Variants in SPATA16 observed in about 807,000 individuals in gnomAD.
The protein encoded by SPATA16 is spermatogenesis associated 16.
In SPATA16, 36 loss-of-function variants were observed where a neutral mutation model predicts 63.3. That is an observed-to-expected ratio of 0.57 (90% confidence interval 0.44 to 0.75). The LOEUF (loss-of-function observed/expected upper bound fraction) is 0.75. SPATA16 is among the 30% of genes least tolerant of loss of function. The pLI is 0.00. For synonymous variants in SPATA16, 203 were observed against 216.7 expected, an observed-to-expected ratio of 0.94 and a Z score of 0.56; for missense variants, 646 against 679.3, an observed-to-expected ratio of 0.95 and a Z score of 0.54.
At chr3:172,959,760 C>A (rs1340557598) in intron 5 of SPATA16, among the ~76,000 whole-genome samples, 1 of 143,546 alleles carries the variant, frequency 7.0e-6, no homozygotes, top group Non-Finnish European at 1.5e-5. Flanking sequence ...TCCTACATTG[C>A]TGTTGTAAAG....
At chr3:172,940,979 T>G (rs894900123) in intron 6 of SPATA16, among the ~76,000 whole-genome samples, 6 of 151,852 alleles carry the variant, frequency 4.0e-5, no homozygotes, top group Admixed American at 3.3e-4. Context: ...AGAGACTCCA[T>G]CTCAAAAGAT....
intron 6 of SPATA16, among the ~76,000 whole-genome samples, chr3:172,926,393 T>C (rs1044178700): frequency 2.6e-5 from 4 of 152,320 alleles, no homozygotes; most frequent in African/African-American, 9.6e-5. Flanking sequence ...GAGTACTTAT[T>C]TTCTATCTGC....
At chr3:172,914,883 A>T (rs1037553756) in intron 9 of SPATA16, among the ~76,000 whole-genome samples, 12 of 134,832 alleles carry the variant, frequency 8.9e-5, no homozygotes, top group Non-Finnish European at 2.0e-4. Flanking sequence ...TATTTCCAGT[A>T]AAAAAAAAAA....
intron 2 of SPATA16, among the ~76,000 whole-genome samples, chr3:173,053,995 A>G (rs1736158375): frequency 7.3e-6 from 1 of 137,078 alleles, no homozygotes; most frequent in Middle Eastern, 3.7e-3. Flanking sequence ...ATATCAACAT[A>G]ATTTTTACAC....
intron 2 of SPATA16, among the ~76,000 whole-genome samples, chr3:173,066,373 A>C (rs11923700): frequency 6.6e-6 from 1 of 152,014 alleles, no homozygotes; most frequent in South Asian, 2.1e-4. Context: ...TGTCTGCAAG[A>C]CTTCAGATGT....
chr3:172,893,971 GT>G (rs565665434), intron 10 of SPATA16, among the ~76,000 whole-genome samples: 175 of 152,138 alleles, frequency 1.2e-3, no homozygotes, highest in Admixed American at 4.7e-3. Context: ...AGCTTTAAAA[GT>G]TTTTTTAAAG....
Position 172,898,003 on chromosome 3 carries a change from A to G in SPATA16, c.1588-8311T>C, listed in dbSNP as rs562559447. On this transcript the variant is annotated intron_variant, in intron 10 of 10. Coordinates refer to ENST00000351008, the MANE Select transcript of SPATA16 (RefSeq NM_031955.6). ...TTTGTCCAATGCTTTTTCTGCATCA[A>G]TTGATATAATCTTGTAATTTTTCTT... Among the ~76,000 whole-genome samples the G allele has an allele frequency of 9.2e-5, 14 of 152,124 alleles. No individual in the cohort carries two copies. The South Asian group carries it at 2.9e-3, about 31-fold the overall frequency.
intron 3 of SPATA16, among the ~76,000 whole-genome samples, chr3:173,035,547 C>G (rs922993095): frequency 4.6e-5 from 7 of 151,922 alleles, no homozygotes; most frequent in Admixed American, 2.6e-4. Flanking sequence ...AAGGGCTGTT[C>G]AATAGTGAAA....
At chr3:172,947,329 A>T (rs1733316235) in intron 6 of SPATA16, among the ~76,000 whole-genome samples, 1 of 152,204 alleles carries the variant, frequency 6.6e-6, no homozygotes, top group Non-Finnish European at 1.5e-5. Flanking sequence ...ACATTGATAA[A>T]CATCTACAAA....
chr3:172,925,186 G>T (rs574888522), intron 7 of SPATA16, among the ~76,000 whole-genome samples, 160 bp downstream of exon 7: 41 of 152,228 alleles, frequency 2.7e-4, no homozygotes, highest in Non-Finnish European at 5.3e-4. Context: ...AGGATTGTGT[G>T]TGTTCTTGGG....
At chr3:172,976,833 T>G (rs1734170579) in intron 5 of SPATA16, 135 bp downstream of exon 5, 1 of 738,756 alleles carries the variant, frequency 1.4e-6, no homozygotes, top group Non-Finnish European at 2.4e-6. Context: ...TATGAATACA[T>G]TATTATTCAG....
chr3:172,992,429 GT>G (rs1734599322), intron 4 of SPATA16, among the ~76,000 whole-genome samples: 1 of 152,024 alleles, frequency 6.6e-6, no homozygotes, highest in South Asian at 2.1e-4. Context: ...GGAGTAGACA[GT>G]GCAACAAGAG....
intron 2 of SPATA16, among the ~76,000 whole-genome samples, chr3:173,089,121 T>C (rs961368767): frequency 3.3e-5 from 5 of 152,166 alleles, no homozygotes; most frequent in Non-Finnish European, 5.9e-5. Flanking sequence ...CGATTTCTCA[T>C]GCCTAAATAA....
At chr3:173,124,689 A>G (rs996810998) in intron 1 of SPATA16, among the ~76,000 whole-genome samples, 2 of 152,158 alleles carry the variant, frequency 1.3e-5, no homozygotes, top group Non-Finnish European at 2.9e-5. Flanking sequence ...GCCAGATCTC[A>G]TAACAGCAGT....
At chr3:173,085,460 A>G (rs966202351) in intron 2 of SPATA16, among the ~76,000 whole-genome samples, 10 of 152,198 alleles carry the variant, frequency 6.6e-5, no homozygotes, top group African/African-American at 2.4e-4. Context: ...ATCTGTAAAC[A>G]GAGACAATTT....
intron 1 of SPATA16, among the ~76,000 whole-genome samples, chr3:173,129,537 T>C (rs1738314580): frequency 6.6e-6 from 1 of 151,904 alleles, no homozygotes; most frequent in Non-Finnish European, 1.5e-5. Flanking sequence ...TCTCTATATA[T>C]CCTACTGCAT....
chr3:173,136,890 C>T (rs1738559402), intron 1 of SPATA16, among the ~76,000 whole-genome samples: 1 of 152,066 alleles, frequency 6.6e-6, no homozygotes, highest in African/African-American at 2.4e-5. Context: ...TGTGCAGCCA[C>T]CAAGTAGACG....
intron 5 of SPATA16, among the ~76,000 whole-genome samples, chr3:172,962,105 T>A (rs2108239980): frequency 6.6e-6 from 1 of 151,838 alleles, no homozygotes; most frequent in African/African-American, 2.4e-5. Context: ...ATATAAAAAT[T>A]AGCCAGACAT....
rs66806016 is a variant in SPATA16 at position 172,959,787 on chromosome 3, C to CATATATATATATATATATATAT, written c.934-2985_934-2964dup. On this transcript the variant is annotated intron_variant, in intron 5 of 10. Transcript: ENST00000351008. ...GTTGTAAAGAAATAGAGTAATATAA[C>CATATATATATATATATATATAT]ATATATATATATATATATATATATA... 7.9e-4 allele frequency among the ~76,000 whole-genome samples: 107 copies of CATATATATATATATATATATAT among 135,466 alleles called. 1 individual carries two copies. The highest frequency in any genetic ancestry group is 2.8e-3 in the African/African-American group (97 of 34,288). The allele number at this position is 135,466 out of a possible 152,430, so 88.9% of individuals were successfully genotyped here. A position where few individuals can be genotyped will look rare whatever the true frequency, so the allele number is the denominator to read the frequency against.
Sources: allele counts gnomAD v4.1 joint callset (sites outside exome capture counted in the v4.1 genomes callset), GRCh38; gene constraint gnomAD v4.1.1; transcripts MANE v1.5; gene names NCBI Gene and HGNC (gene_info 2026-07-23, HGNC 2026-07-21).